The following PLXNA3 variants were observed in gnomAD, a reference collection of about 807,000 sequenced individuals.
PLXNA3 encodes the protein plexin-A3.
A neutral mutation model predicts 118.8 loss-of-function variants in PLXNA3; 52 were observed. The ratio of observed to expected loss-of-function variants is 0.44; its 90% CI spans 0.35 to 0.55. PLXNA3 has a LOEUF of 0.55. Among genes scored for constraint, PLXNA3 ranks in the 20% least tolerant of loss-of-function variants. The pLI is 0.01. For missense variants in PLXNA3, 1,660 were observed against 1,730.8 expected (o/e 0.96, Z 0.73); for synonymous variants, 925 against 762.4 (o/e 1.21, Z -3.51).
rs1448755939 is a variant in PLXNA3, at chrX:154,470,087, G to A, written c.4906G>A (p.Asp1636Asn). 15 of 1,210,203 alleles carry A rather than the reference G, an allele frequency of 1.2e-5. No homozygotes were observed. The highest frequency in any genetic ancestry group is 3.5e-5 in the African/African-American group (2 of 57,495). Residue 1636 changes from aspartate (D) to asparagine (N), a missense_variant, in exon 29 of 33, where the codon GAC becomes AAC. This residue lies in a region of PLXNA3 where 869 missense variants were observed against 1,078.7 expected (regional missense o/e 0.81). Transcript: ENST00000369682. ...TKLWHLVKNH[D>N]HADHREGDRG... ...ATTGTGGCACCTGGTGAAAAACCAC[G>A]ACCATGCCGACCATCGCGAGGGGGA...
In PLXNA3 at chrX:154,463,490, C is replaced by T. The variant is rs782463498; in HGVS notation, c.1417C>T (p.Arg473Trp). 1.6e-5 allele frequency: 19 copies of T among 1,191,567 alleles called. No homozygotes were observed. The highest frequency in any genetic ancestry group is 7.1e-5 in the South Asian group (4 of 56,249). ...LRDLLFSPDH[R>W]HIYLLSEKQV... ...AGACCTGCTCTTCAGCCCGGACCAC[C>T]GGCACATCTATCTCCTGAGTGAGAA... The change falls in exon 5 of 33, where the codon CGG (arginine) becomes TGG (tryptophan). Residue 473 changes from arginine (R) to tryptophan (W), a missense_variant. Arg to Trp is a moderately radical substitution (Grantham distance 101). This residue lies in a region of PLXNA3 where 791 missense variants were observed against 652.1 expected (regional missense o/e 1.21). Transcript: ENST00000369682.
At position 154,466,622 on chromosome X, in the gene PLXNA3, G is replaced by A; in HGVS notation, c.2937-1G>A. The A allele has an allele frequency of 8.3e-7, 1 of 1,203,369 alleles. No homozygotes were observed. The highest frequency in any genetic ancestry group is 1.1e-6 in the Non-Finnish European group (1 of 891,412). ...TCCAAGCACCCTGCTTGCCAATGTA[G>A]GAGAGATGCCAAGGCGATCGTGTGC... On this transcript the variant is annotated splice_acceptor_variant, in intron 16 of 32. Coordinates refer to ENST00000369682, the MANE Select transcript of PLXNA3 (RefSeq NM_017514.5). LOFTEE classifies it high-confidence loss of function.
chrX:154,461,995 A>C, intron 3 of PLXNA3, 133 bp from the exon 4 acceptor site: 1 of 523,960 alleles, frequency 1.9e-6, no homozygotes. Flanking sequence ...GGAGCACCCT[A>C]GGGCGAGCAG....
Position 154,461,203 on chromosome X carries a change from C to T in PLXNA3, c.699C>T (p.Ala233=), listed in dbSNP as rs1557204090. The T allele has an allele frequency of 1.6e-6, 2 of 1,212,456 alleles. No homozygotes were observed. Among genetic ancestry groups the T allele is most frequent in the East Asian group, 3.0e-5 (1 of 33,887 alleles). Reference sequence around the variant, plus strand: ...ACTACATCTACGGCTTCGTCAGCGCCTCCTTCGTGTACTTCCTGACGCTGC... The same window carrying T: ...ACTACATCTACGGCTTCGTCAGCGCTTCCTTCGTGTACTTCCTGACGCTGC... ...DIYYIYGFVS[A]SFVYFLTLQL... is the part of the protein sequence containing the mutation. The change falls in exon 3 of 33, where the codon GCC becomes GCT. Residue 233 remains alanine (A), a synonymous_variant. Transcript: ENST00000369682.
Position 154,467,694 on chromosome X carries a change from T to C in PLXNA3, c.3585+6T>C, listed in dbSNP as rs181213926. The C allele has an allele frequency of 8.3e-7, 1 of 1,205,221 alleles. No individual in the cohort carries two copies. The highest frequency in any genetic ancestry group is 1.8e-5 in the African/African-American group (1 of 57,004). On this transcript the variant is annotated splice_donor_region_variant and intron_variant, in intron 20 of 32. Transcript: ENST00000369682. ...CTGGCCGGCAGCCTGTCATGGTAGG[T>C]GGGGATGGGGAGACCCCCTGGGCAG...
intron 29 of PLXNA3, 97 bp downstream of exon 29, chrX:154,470,264 C>T (rs1174993636): frequency 6.2e-5 from 61 of 981,225 alleles, no homozygotes; most frequent in Admixed American, 5.7e-4. Flanking sequence ...GTGGGCCTTT[C>T]TTCGGGTCTT....
In PLXNA3 at chrX:154,468,909, G is replaced by A. The variant is rs1326412859; in HGVS notation, c.4374G>A (p.Glu1458=). The change falls in exon 25 of 33, where the codon GAG becomes GAA. Residue 1458 remains glutamate, a synonymous_variant. Transcript: ENST00000369682. ...EKGPIDAITG[E]ARYSLSEDKL... ...GCCCCATTGATGCCATCACGGGCGA[G>A]GCACGATACTCCCTGAGCGAGGACA... 2 of 1,210,096 alleles carry A rather than the reference G, an allele frequency of 1.7e-6. No individual in the cohort carries two copies. Among genetic ancestry groups the A allele is most frequent in the East Asian group, 3.0e-5 (1 of 33,756 alleles).
rs2069228469 is a variant in PLXNA3, at chrX:154,475,135, CTT to C, written c.*2451_*2452del. On this transcript the variant is annotated 3_prime_UTR_variant, in exon 33 of 33. Transcript: ENST00000369682. ...TTTTTTTTTGAGACAGAGTTTCACT[CTT>C]GTTGCCCAGGCTGGAGTGCAATGGT... 1.1e-5 allele frequency: 1 copy of C among 90,700 alleles called. No homozygotes were observed. Among genetic ancestry groups the C allele is most frequent in the Admixed American group, 1.3e-4 (1 of 7,486 alleles). The allele number at this position is 90,700 out of a possible 1,213,427, so 7.5% of individuals were successfully genotyped here. A position where few individuals can be genotyped will look rare whatever the true frequency, so the allele number is the denominator to read the frequency against.
In PLXNA3 at chrX:154,466,618, T is replaced by C. The variant is rs1449005376; in HGVS notation, c.2937-5T>C. On this transcript the variant is annotated splice_polypyrimidine_tract_variant and splice_region_variant and intron_variant, in intron 16 of 32. Transcript: ENST00000369682. Reference sequence around the variant, plus strand: ...CCGCTCCAAGCACCCTGCTTGCCAATGTAGGAGAGATGCCAAGGCGATCGT... The same window carrying C: ...CCGCTCCAAGCACCCTGCTTGCCAACGTAGGAGAGATGCCAAGGCGATCGT... 1.2e-5 allele frequency: 15 copies of C among 1,201,471 alleles called. No homozygotes were observed. Among genetic ancestry groups the C allele is most frequent in the Non-Finnish European group, 1.7e-5 (15 of 890,921 alleles).
In PLXNA3 at chrX:154,467,977, C is replaced by T. The variant is rs73573407; in HGVS notation, c.3796C>T (p.Arg1266Cys). ...GCTGCAGATGGACAACCTGGAGTCC[C>T]GTGTGGCCCTGGAGTGCAAGGAAGG... ...LQLQMDNLES[R>C]VALECKEAFA... The change falls in exon 21 of 33, where the codon CGT (arginine) becomes TGT (cysteine). Residue 1266 changes from arginine (R) to cysteine (C), a missense_variant. Arg to Cys is a radical substitution (Grantham distance 180). This residue lies in a region of PLXNA3 where 869 missense variants were observed against 1,078.7 expected (regional missense o/e 0.81). Coordinates refer to ENST00000369682, the MANE Select transcript of PLXNA3 (RefSeq NM_017514.5). 3.3e-6 allele frequency: 4 copies of T among 1,208,222 alleles called. No homozygotes were observed. Among genetic ancestry groups the T allele is most frequent in the Admixed American group, 4.4e-5 (2 of 45,860 alleles).
intron 11 of PLXNA3, 49 bp downstream of exon 11, chrX:154,465,267 T>C (rs781805549): frequency 1.3e-5 from 15 of 1,112,546 alleles, no homozygotes; most frequent in Admixed American, 2.3e-5. Context: ...TGTGGCGTGG[T>C]GTGGATCGTT....
rs1557205516 is a variant in PLXNA3 at position 154,463,459 on chromosome X, C to T, written c.1386C>T (p.Ile462=). The change falls in exon 5 of 33, where the codon ATC becomes ATT. Residue 462 remains isoleucine (I), a synonymous_variant. Transcript: ENST00000369682. ...ETVPVVDGSP[I]LRDLLFSPDH... ...TCCCCGTGGTGGATGGCAGCCCCAT[C>T]CTCCGAGACCTGCTCTTCAGCCCGG... 1.2e-5 allele frequency: 15 copies of T among 1,206,512 alleles called. No homozygotes were observed. In the East Asian group the frequency reaches 3.0e-4, roughly 24 times the overall value.
chrX:154,461,222 A>G lies in PLXNA3; in HGVS notation c.718A>G (p.Thr240Ala). The G allele has an allele frequency of 1.6e-6, 2 of 1,212,268 alleles. No homozygotes were observed. Among genetic ancestry groups the G allele is most frequent in the Non-Finnish European group, 2.2e-6 (2 of 895,508 alleles). ...CAGCGCCTCCTTCGTGTACTTCCTG[A>G]CGCTGCAGCTGGACACCCAGCAGAC... Reference protein sequence around the residue: ...FVSASFVYFLTLQLDTQQTLL... With the variant: ...FVSASFVYFLALQLDTQQTLL... The change falls in exon 3 of 33, where the codon ACG becomes GCG. Residue 240 changes from threonine to alanine, a missense_variant. This residue lies in a region of PLXNA3 where 791 missense variants were observed against 652.1 expected (regional missense o/e 1.21). Coordinates refer to ENST00000369682, the MANE Select transcript of PLXNA3 (RefSeq NM_017514.5).
chrX:154,461,916 T>A (rs2068972845), intron 3 of PLXNA3, among the ~76,000 whole-genome samples: 1 of 112,181 alleles, frequency 8.9e-6, no homozygotes, highest in African/African-American at 3.2e-5. Context: ...AAGAGTCTTG[T>A]GGGCCCAGGC....
At position 154,461,542 on chromosome X, in the gene PLXNA3, T is replaced by C; in HGVS notation, c.1038T>C (p.Asn346=). 2 of 1,210,642 alleles carry C rather than the reference T, an allele frequency of 1.7e-6. No individual in the cohort carries two copies. Among genetic ancestry groups the C allele is most frequent in the Non-Finnish European group, 2.2e-6 (2 of 895,200 alleles). The change falls in exon 3 of 33, where the codon AAT becomes AAC. Residue 346 remains asparagine, a synonymous_variant. Coordinates refer to ENST00000369682, the MANE Select transcript of PLXNA3 (RefSeq NM_017514.5). ...ILCLFTLSNI[N]AHIRRRIQSC... ...GCCTCTTCACCCTCAGCAACATCAA[T>C]GCCCACATCCGGCGCCGCATCCAGT...
At chrX:154,461,793 C>G (rs782664962) in intron 3 of PLXNA3, among the ~76,000 whole-genome samples, 155 bp downstream of exon 3, 1 of 112,407 alleles carries the variant, frequency 8.9e-6, no homozygotes, top group East Asian at 2.8e-4. Context: ...CCAGGGGTCC[C>G]TGCCCTCTCC....
In PLXNA3 at chrX:154,460,433, C is replaced by T. The variant is rs782148734; in HGVS notation, c.250C>T (p.Arg84Cys). Residue 84 changes from arginine (R) to cysteine (C), a missense_variant, in exon 2 of 33, where the codon CGC (arginine) becomes TGC (cysteine). Transcript: ENST00000369682. Reference sequence around the variant, plus strand: ...TCGCTGCTACCCGCCCCCCAGCATGCGCGTGTGTGCCCACCGCCTGGCCCC... The same window carrying T: ...TCGCTGCTACCCGCCCCCCAGCATGTGCGTGTGTGCCCACCGCCTGGCCCC... ...NARCYPPPSM[R>C]VCAHRLAPVD... 18 of 1,200,278 alleles carry T rather than the reference C, an allele frequency of 1.5e-5. No individual in the cohort carries two copies. The highest frequency in any genetic ancestry group is 3.5e-5 in the African/African-American group (2 of 57,438).
chrX:154,464,557 A>T (rs1297766106), intron 9 of PLXNA3, 56 bp downstream of exon 9: 1 of 1,007,401 alleles, frequency 9.9e-7, no homozygotes, highest in Admixed American at 2.3e-5. Context: ...GACCTCTGGG[A>T]CAGGCGACAC....
chrX:154,466,182 C>G lies in PLXNA3; in HGVS notation c.2711C>G (p.Pro904Arg). 8.3e-7 allele frequency: 1 copy of G among 1,210,119 alleles called. No individual in the cohort carries two copies. Among genetic ancestry groups the G allele is most frequent in the Non-Finnish European group, 1.1e-6 (1 of 895,478 alleles). ...IVCEMEESLV[P>R]SPPPGPVELC... ...TGTGAGATGGAGGAGTCGCTGGTGC[C>G]CAGCCCGCCGCCGGGGCCCGTGGAG... The change falls in exon 15 of 33, where the codon CCC becomes CGC. Residue 904 changes from proline to arginine, a missense_variant. Physicochemically the swap from Pro to Arg is moderately radical, Grantham distance 103. Coordinates refer to ENST00000369682, the MANE Select transcript of PLXNA3 (RefSeq NM_017514.5).
Sources: allele counts gnomAD v4.1 joint callset (sites outside exome capture counted in the v4.1 genomes callset), GRCh38; gene constraint gnomAD v4.1.1; regional missense constraint gnomAD v4.1.1; transcripts MANE v1.5; gene names NCBI Gene and HGNC (gene_info 2026-07-23, HGNC 2026-07-21).